ZEB1: variants seen among roughly 807,000 people sequenced by gnomAD.
ZEB1 encodes zinc finger E-box-binding homeobox 1.
In ZEB1, 21 loss-of-function variants were observed where a neutral mutation model predicts 84.9. The ratio of observed to expected loss-of-function variants is 0.25; its 90% CI spans 0.18 to 0.36. ZEB1 has a LOEUF of 0.36. ZEB1 is among the 10% of genes least tolerant of loss of function. The pLI is 1.00. For missense variants in ZEB1, 1,104 were observed against 1,330.2 expected, an observed-to-expected ratio of 0.83 and a Z score of 2.65; for synonymous variants, 420 against 471.1, an observed-to-expected ratio of 0.89 and a Z score of 1.41.
At chr10:31,478,571 C>T (rs1210450582) in intron 2 of ZEB1, among the ~76,000 whole-genome samples, 1 of 151,902 alleles carries the variant, frequency 6.6e-6, no homozygotes, top group Admixed American at 6.6e-5. Flanking sequence ...CGCAGAACTA[C>T]TCACAATAGC....
At chr10:31,327,099 C>CT (rs71527629) in intron 1 of ZEB1, among the ~76,000 whole-genome samples, 4,087 of 84,932 alleles carry the variant, frequency 0.048, 253 homozygotes, top group East Asian at 0.24. Context: ...CTTTTCTTTT[C>CT]TTTTTTTTTT....
chr10:31,446,578 C>G (rs548889656), intron 1 of ZEB1, among the ~76,000 whole-genome samples: 1,649 of 151,536 alleles, frequency 0.011, 22 homozygotes, highest in Admixed American at 0.021. Flanking sequence ...CTACACACTG[C>G]TTTGAATGCG....
intron 1 of ZEB1, among the ~76,000 whole-genome samples, chr10:31,432,844 A>T (rs532979746): frequency 1.4e-4 from 22 of 152,328 alleles, no homozygotes; most frequent in African/African-American, 5.3e-4. Flanking sequence ...AGCTATTTTT[A>T]AAAAAGAGTG....
intron 1 of ZEB1, among the ~76,000 whole-genome samples, chr10:31,365,395 T>C (rs1304848008): frequency 1.3e-5 from 2 of 152,192 alleles, no homozygotes; most frequent in Admixed American, 6.5e-5. Flanking sequence ...ATTTGGCCAC[T>C]CTACATCTTG....
At chr10:31,444,281 T>C (rs960807927) in intron 1 of ZEB1, among the ~76,000 whole-genome samples, 1 of 125,298 alleles carries the variant, frequency 8.0e-6, no homozygotes, top group African/African-American at 3.1e-5. Context: ...TCTTGTAAAT[T>C]TGTTTGAGTT....
intron 1 of ZEB1, among the ~76,000 whole-genome samples, chr10:31,449,702 A>G (rs1418387514): frequency 1.3e-5 from 2 of 152,150 alleles, no homozygotes; most frequent in African/African-American, 4.8e-5. Flanking sequence ...TAGCTTCAAG[A>G]TAAAGTTTAC....
intron 1 of ZEB1, among the ~76,000 whole-genome samples, chr10:31,433,216 A>G (rs931457876): frequency 6.6e-6 from 1 of 152,216 alleles, no homozygotes; most frequent in East Asian, 1.9e-4. Context: ...TGGTTCACTG[A>G]ATTGTCCAGA....
At chr10:31,431,263 T>C (rs182371498) in intron 1 of ZEB1, among the ~76,000 whole-genome samples, 1 of 152,324 alleles carries the variant, frequency 6.6e-6, no homozygotes, top group East Asian at 1.9e-4. Context: ...TCCTGTTATT[T>C]TCCTTCCTAT....
chr10:31,393,208 T>TATATAAAATTTATA (rs2050100038), intron 1 of ZEB1, among the ~76,000 whole-genome samples: 1 of 152,200 alleles, frequency 6.6e-6, no homozygotes, highest in Non-Finnish European at 1.5e-5. Context: ...ATAAAGCTCA[T>TATATAAAATTTATA]TATAGAAAAT....
intron 2 of ZEB1, among the ~76,000 whole-genome samples, chr10:31,466,175 A>G (rs1308671873): frequency 6.6e-6 from 1 of 152,248 alleles, no homozygotes; most frequent in African/African-American, 2.4e-5. Flanking sequence ...TACAGTAATC[A>G]TAGGGGTCTT....
intron 1 of ZEB1, among the ~76,000 whole-genome samples, chr10:31,327,669 C>G (rs2035869639): frequency 6.6e-6 from 1 of 152,106 alleles, no homozygotes; most frequent in South Asian, 2.1e-4. Context: ...ATGGTATTGT[C>G]CAGACATAGT....
At chr10:31,385,330 T>G (rs1057145564) in intron 1 of ZEB1, among the ~76,000 whole-genome samples, 24 of 152,278 alleles carry the variant, frequency 1.6e-4, no homozygotes, top group African/African-American at 5.5e-4. Context: ...GTTTTGAGTT[T>G]TAATTCTACA....
chr10:31,342,094 A>G (rs1015780120), intron 1 of ZEB1, among the ~76,000 whole-genome samples: 6 of 152,194 alleles, frequency 3.9e-5, no homozygotes, highest in Non-Finnish European at 1.5e-5. Context: ...TAGTTGTTAC[A>G]GAAGATTCTA....
At chr10:31,468,657 G>A (rs1263208197) in intron 2 of ZEB1, among the ~76,000 whole-genome samples, 2 of 152,080 alleles carry the variant, frequency 1.3e-5, no homozygotes, top group Non-Finnish European at 1.5e-5. Flanking sequence ...CTACACTAAG[G>A]CTATCTGTAA....
At chr10:31,338,072 A>G (rs2133472197) in intron 1 of ZEB1, among the ~76,000 whole-genome samples, 1 of 152,166 alleles carries the variant, frequency 6.6e-6, no homozygotes, top group Non-Finnish European at 1.5e-5. Flanking sequence ...ATTCTTTTAT[A>G]TTTTTGTAGT....
chr10:31,354,903 T>A lies in ZEB1; in HGVS notation c.58+35611T>A, dbSNP rs76715019. ...TAAGTTAAAATTTAGCTGTGCATAG[T>A]TCTGTTGATGCTGATAAGTGAACAG... On this transcript the variant is annotated intron_variant, in intron 1 of 8. Coordinates refer to ENST00000424869, the MANE Select transcript of ZEB1 (RefSeq NM_001174096.2). Among the ~76,000 whole-genome samples the A allele has an allele frequency of 3.3e-3, 497 of 152,322 alleles. 10 individuals are homozygous for A. In the East Asian group the frequency reaches 0.039, roughly 12 times the overall value.
chr10:31,518,534 T>G (rs2071627859), intron 6 of ZEB1, among the ~76,000 whole-genome samples: 2 of 152,128 alleles, frequency 1.3e-5, no homozygotes, highest in South Asian at 4.1e-4. Flanking sequence ...GTGACTAGCA[T>G]TTGTTGAGAG....
At chr10:31,363,556 T>C in intron 1 of ZEB1, 1 of 1,527,918 alleles carries the variant, frequency 6.5e-7, no homozygotes, top group Non-Finnish European at 8.8e-7. Context: ...GGTCTCTACC[T>C]GGTCTTTCAC....
intron 1 of ZEB1, among the ~76,000 whole-genome samples, chr10:31,435,493 G>A (rs2058182971): frequency 1.3e-5 from 2 of 152,198 alleles, no homozygotes; most frequent in South Asian, 4.1e-4. Flanking sequence ...GAAGGAAATA[G>A]GATGATGTGA....
Sources: allele counts gnomAD v4.1 joint callset (sites outside exome capture counted in the v4.1 genomes callset), GRCh38; gene constraint gnomAD v4.1.1; transcripts MANE v1.5; gene names NCBI Gene and HGNC (gene_info 2026-07-23, HGNC 2026-07-21).